SPICE1: variants seen among roughly 807,000 people sequenced by gnomAD.
SPICE1 encodes the protein spindle and centriole associated protein 1.
Under a neutral mutation model 102.7 loss-of-function variants are expected in SPICE1, and 75 were observed. That is an observed-to-expected ratio of 0.73 (90% CI 0.61 to 0.88). The LOEUF is 0.88. Among genes scored for constraint, SPICE1 ranks in the 40% least tolerant of loss-of-function variants. The pLI, the probability that SPICE1 is intolerant of heterozygous loss-of-function variation, is 0.00. For synonymous variants in SPICE1, 308 were observed against 350.3 expected, an observed-to-expected ratio of 0.88 and a Z score of 1.35; for missense variants, 979 against 1,020.1, an observed-to-expected ratio of 0.96 and a Z score of 0.55.
intron 7 of SPICE1, among the ~76,000 whole-genome samples, chr3:113,472,141 T>C (rs193012439): frequency 3.9e-5 from 6 of 152,360 alleles, no homozygotes; most frequent in Non-Finnish European, 8.8e-5. Context: ...ATCCGGCACC[T>C]GGCTCGGAGG....
chr3:113,468,016 G>T (rs1366627421), intron 10 of SPICE1, 123 bp downstream of exon 10: 5 of 1,262,332 alleles, frequency 4.0e-6, no homozygotes, highest in African/African-American at 1.5e-5. Context: ...TAAAACTGAG[G>T]TATTTTAAAC....
In SPICE1 at chr3:113,488,937, A is replaced by G; in HGVS notation, c.611+8T>C. The G allele has an allele frequency of 6.5e-7, 1 of 1,547,354 alleles. No homozygotes were observed. The highest frequency in any genetic ancestry group is 8.9e-7 in the Non-Finnish European group (1 of 1,119,412). On this transcript the variant is annotated splice_region_variant and intron_variant, in intron 7 of 17. Transcript: ENST00000295872. ...AGAGTTGTAAATATTTATGCCATAT[A>G]CACATACCTGTCTGTATTCGTGTTA...
chr3:113,477,271 A>C (rs1936374147), intron 7 of SPICE1, among the ~76,000 whole-genome samples: 1 of 152,180 alleles, frequency 6.6e-6, no homozygotes, highest in Non-Finnish European at 1.5e-5. Flanking sequence ...GCAATCATTA[A>C]AAAGTCAGGA....
intron 7 of SPICE1, among the ~76,000 whole-genome samples, chr3:113,472,694 A>G (rs1936236210): frequency 6.6e-6 from 1 of 152,224 alleles, no homozygotes; most frequent in Non-Finnish European, 1.5e-5. Flanking sequence ...GTGGACCTCT[A>G]GCAAACTCCA....
intron 7 of SPICE1, among the ~76,000 whole-genome samples, chr3:113,486,730 C>T (rs1211890596): frequency 6.6e-6 from 1 of 151,546 alleles, no homozygotes; most frequent in Non-Finnish European, 1.5e-5. Context: ...TGTATCAAAA[C>T]ATCTATGTAC....
intron 7 of SPICE1, among the ~76,000 whole-genome samples, chr3:113,474,297 G>A (rs1054729760): frequency 2.6e-5 from 4 of 152,090 alleles, no homozygotes; most frequent in African/African-American, 7.2e-5. Context: ...CAAGTTCTGA[G>A]TGACCTACAA....
intron 14 of SPICE1, among the ~76,000 whole-genome samples, chr3:113,451,892 A>G (rs951749216): frequency 1.4e-5 from 2 of 144,842 alleles, no homozygotes; most frequent in Non-Finnish European, 3.0e-5. Flanking sequence ...CCTATGACTC[A>G]CCTCACCCTA....
chr3:113,477,759 G>A (rs1215351098), intron 7 of SPICE1, among the ~76,000 whole-genome samples: 1 of 147,468 alleles, frequency 6.8e-6, no homozygotes, highest in African/African-American at 2.5e-5. Flanking sequence ...ACACAGGAAG[G>A]GGAACATCAC....
chr3:113,485,890 C>T (rs1936635418), intron 7 of SPICE1, among the ~76,000 whole-genome samples: 1 of 152,088 alleles, frequency 6.6e-6, no homozygotes, highest in African/African-American at 2.4e-5. Flanking sequence ...CAAACCAACA[C>T]AGAAAACAAA....
intron 1 of SPICE1, among the ~76,000 whole-genome samples, chr3:113,509,335 T>C (rs970088151): frequency 4.6e-5 from 7 of 152,164 alleles, no homozygotes; most frequent in Admixed American, 2.6e-4. Context: ...ATATCTCCAA[T>C]TTACTCTGCA....
In SPICE1 at chr3:113,468,207, G is replaced by A. The variant is rs1387756341; in HGVS notation, c.1087C>T (p.Gln363Ter). 6.2e-7 allele frequency: 1 copy of A among 1,614,144 alleles called. No homozygotes were observed. Residue 363 changes from glutamine (Q) to a stop codon, truncating the protein, a stop_gained, in exon 10 of 18, where the codon CAG (glutamine) becomes TAG (stop). Coordinates refer to ENST00000295872, the MANE Select transcript of SPICE1 (RefSeq NM_144718.4). LOFTEE classifies it high-confidence loss of function. ...GREVKGLQSSQGLTGFTLSLV... is the reference protein window; with the variant it reads ...GREVKGLQSS ...GACAAAGTGAAGCCTGTAAGACCCT[G>A]ACTGCTCTGCAGACCCTTGACCTCG...
chr3:113,511,836 T>C (rs888383850), intron 1 of SPICE1, among the ~76,000 whole-genome samples: 1 of 152,034 alleles, frequency 6.6e-6, no homozygotes, highest in Non-Finnish European at 1.5e-5. Flanking sequence ...TTAGAGAAAG[T>C]ATATAGCTCA....
At chr3:113,491,407 T>G (rs1419639623) in intron 6 of SPICE1, among the ~76,000 whole-genome samples, 1 of 151,406 alleles carries the variant, frequency 6.6e-6, no homozygotes. Context: ...GATCACAAGG[T>G]CAGGAGATCG....
At chr3:113,512,252 A>G (rs1937235246) in intron 1 of SPICE1, among the ~76,000 whole-genome samples, 1 of 152,192 alleles carries the variant, frequency 6.6e-6, no homozygotes, top group African/African-American at 2.4e-5. Flanking sequence ...TAACACAGGT[A>G]TAGTTAAGCT....
intron 6 of SPICE1, among the ~76,000 whole-genome samples, chr3:113,490,423 T>C (rs145885936): frequency 0.021 from 3,200 of 152,130 alleles, 52 homozygotes; most frequent in Non-Finnish European, 0.033. Context: ...AGGAGGATCA[T>C]GTGAGCCCAA....
At chr3:113,501,652 T>C (rs1286403629) in intron 3 of SPICE1, among the ~76,000 whole-genome samples, 1 of 152,170 alleles carries the variant, frequency 6.6e-6, no homozygotes, top group Non-Finnish European at 1.5e-5. Context: ...GGCCGAAAAG[T>C]ACACAAAAGG....
intron 4 of SPICE1, among the ~76,000 whole-genome samples, chr3:113,496,746 T>A (rs1443896597): frequency 6.6e-6 from 1 of 152,132 alleles, no homozygotes; most frequent in East Asian, 1.9e-4. Flanking sequence ...TATGTGAATA[T>A]GTCTAAGGAG....
intron 7 of SPICE1, among the ~76,000 whole-genome samples, chr3:113,485,211 A>G (rs2107486534): frequency 6.7e-6 from 1 of 150,142 alleles, no homozygotes; most frequent in Middle Eastern, 3.5e-3. Context: ...AGTGGCGCCT[A>G]GAACGCCAGA....
chr3:113,469,996 T>G (rs1576630382), intron 7 of SPICE1, among the ~76,000 whole-genome samples: 1 of 152,104 alleles, frequency 6.6e-6, no homozygotes, highest in Non-Finnish European at 1.5e-5. Context: ...CTAGATAGAG[T>G]GAGAAGAGAT....
Sources: allele counts gnomAD v4.1 joint callset (sites outside exome capture counted in the v4.1 genomes callset), GRCh38; gene constraint gnomAD v4.1.1; transcripts MANE v1.5; gene names NCBI Gene and HGNC (gene_info 2026-07-23, HGNC 2026-07-21).